WBP1L: variants seen among roughly 807,000 people sequenced by gnomAD.
The protein encoded by WBP1L is WW domain binding protein 1-like.
In WBP1L, 17 loss-of-function variants were observed where a neutral mutation model predicts 33.7. The ratio of observed to expected loss-of-function variants is 0.50; its 90% CI spans 0.34 to 0.76. The LOEUF is 0.76. Ranked by LOEUF, WBP1L falls within the 30% of genes least tolerant of loss-of-function variation. WBP1L has a pLI of 0.01. For missense variants in WBP1L, 389 were observed against 469.4 expected (o/e 0.83, Z 1.58); for synonymous variants, 173 against 190.8 (o/e 0.91, Z 0.77).
intron 1 of WBP1L, chr10:102,776,197 G>T: frequency 1.4e-6 from 2 of 1,469,750 alleles, no homozygotes; most frequent in Non-Finnish European, 1.8e-6. Flanking sequence ...CCAGGCAGGG[G>T]GAGTAGCGAG....
At chr10:102,807,222 AC>A (rs907687783) in intron 2 of WBP1L, among the ~76,000 whole-genome samples, 1 of 152,186 alleles carries the variant, frequency 6.6e-6, no homozygotes, top group African/African-American at 2.4e-5. Context: ...TTCCTTTGAT[AC>A]ATTTTTAGTT....
chr10:102,782,478 T>C (rs567634438), intron 1 of WBP1L, among the ~76,000 whole-genome samples: 4 of 150,464 alleles, frequency 2.7e-5, no homozygotes, highest in African/African-American at 9.7e-5. Flanking sequence ...TTTGGGGCTA[T>C]TTAAAAAAAT....
At chr10:102,778,447 G>T (rs546652036) in intron 1 of WBP1L, among the ~76,000 whole-genome samples, 2 of 152,344 alleles carry the variant, frequency 1.3e-5, no homozygotes, top group Non-Finnish European at 2.9e-5. Context: ...TGTAGTGAGA[G>T]AATGAAGCAG....
chr10:102,757,887 CT>C (rs1188286707), intron 1 of WBP1L, among the ~76,000 whole-genome samples: 28 of 25,346 alleles, frequency 1.1e-3, no homozygotes, highest in African/African-American at 3.9e-3. Flanking sequence ...CCCCCCCCCC[CT>C]TTTTTTTTTT....
At chr10:102,796,676 T>C (rs1843577557) in intron 1 of WBP1L, among the ~76,000 whole-genome samples, 1 of 152,212 alleles carries the variant, frequency 6.6e-6, no homozygotes, top group Non-Finnish European at 1.5e-5. Flanking sequence ...TCTGAGCTTC[T>C]TGGGGATAAG....
chr10:102,808,528 A>T (rs866792926), intron 2 of WBP1L, among the ~76,000 whole-genome samples: 2 of 114,012 alleles, frequency 1.8e-5, no homozygotes, highest in Admixed American at 1.8e-4. Flanking sequence ...TCCCTGGAGC[A>T]GGGAGGAAGA....
chr10:102,769,145 C>G (rs1454452472), intron 1 of WBP1L, among the ~76,000 whole-genome samples: 1 of 152,210 alleles, frequency 6.6e-6, no homozygotes, highest in Non-Finnish European at 1.5e-5. Context: ...GCCGCCATGC[C>G]TGGCTAATTT....
rs187304155 is a variant in WBP1L at position 102,797,171 on chromosome 10, T to C, written c.91-822T>C. ...AGATTTTTTTTGTTGTTGCCCTCTT[T>C]AGGATCACACTGTGAATTAACCTTG... On this transcript the variant is annotated intron_variant, in intron 1 of 3. Transcript: ENST00000448841. Among the ~76,000 whole-genome samples the C allele has an allele frequency of 3.3e-5, 5 of 152,356 alleles. No individual in the cohort carries two copies. In the East Asian group the frequency reaches 9.6e-4, roughly 29 times the overall value.
chr10:102,762,188 C>A (rs1843050688), intron 1 of WBP1L, among the ~76,000 whole-genome samples: 1 of 151,932 alleles, frequency 6.6e-6, no homozygotes, highest in Admixed American at 6.6e-5. Context: ...GCCTGGGTGA[C>A]CCTGTCTCAA....
intron 1 of WBP1L, among the ~76,000 whole-genome samples, chr10:102,748,040 A>T (rs1203084331): frequency 1.3e-5 from 2 of 151,930 alleles, no homozygotes; most frequent in African/African-American, 4.8e-5. Flanking sequence ...GCGGATCACG[A>T]GATCAGGAGA....
intron 1 of WBP1L, among the ~76,000 whole-genome samples, chr10:102,757,044 C>T (rs1037293359): frequency 1.3e-5 from 2 of 152,074 alleles, no homozygotes; most frequent in South Asian, 2.1e-4. Context: ...TTTGCCACCA[C>T]ACCTAGCTAA....
intron 1 of WBP1L, chr10:102,776,498 G>A: frequency 6.3e-7 from 1 of 1,591,964 alleles, no homozygotes; most frequent in Non-Finnish European, 8.6e-7. Context: ...TTGGGTGGAG[G>A]GAATATTTTA....
intron 1 of WBP1L, among the ~76,000 whole-genome samples, chr10:102,764,990 G>A (rs998578095): frequency 1.2e-4 from 19 of 152,180 alleles, no homozygotes; most frequent in African/African-American, 4.6e-4. Context: ...GTTAGACCAT[G>A]GCCCAGCTCT....
intron 1 of WBP1L, among the ~76,000 whole-genome samples, chr10:102,760,377 T>TTTC (rs1491543438): frequency 1.8e-4 from 5 of 28,440 alleles, no homozygotes; most frequent in Non-Finnish European, 4.0e-4. Flanking sequence ...TCTTTCTTTC[T>TTTC]TTTTTTTTTT....
At chr10:102,788,139 T>C (rs1843444526) in intron 1 of WBP1L, among the ~76,000 whole-genome samples, 1 of 149,476 alleles carries the variant, frequency 6.7e-6, no homozygotes, top group Non-Finnish European at 1.5e-5. Context: ...TTCTTTCTTT[T>C]TTTTTTTTTG....
chr10:102,761,062 TATTTTTTA>T (rs927811154), intron 1 of WBP1L, among the ~76,000 whole-genome samples: 55 of 152,118 alleles, frequency 3.6e-4, no homozygotes, highest in African/African-American at 1.3e-3. Context: ...AATTTTTTTT[TATTTTTTA>T]ATTTTTTGTG....
intron 1 of WBP1L, among the ~76,000 whole-genome samples, chr10:102,757,678 G>A (rs1000017951): frequency 7.0e-6 from 1 of 142,600 alleles, no homozygotes; most frequent in Admixed American, 7.6e-5. Context: ...CTGAGTTCTA[G>A]CGATCATCCC....
chr10:102,743,965 G>T lies in WBP1L; in HGVS notation c.-89G>T. 1.9e-6 allele frequency: 2 copies of T among 1,045,284 alleles called. No homozygotes were observed. The highest frequency in any genetic ancestry group is 3.0e-5 in the South Asian group (2 of 66,650). The allele number at this position is 1,045,284 out of a possible 1,614,324, so 64.8% of individuals were successfully genotyped here. Reference sequence around the variant, plus strand: ...AGGGGAGCGTCAAACAGGAAAAGAAGGGAAGAAGGAAGAAGAGGGTAGAGG... The same window carrying T: ...AGGGGAGCGTCAAACAGGAAAAGAATGGAAGAAGGAAGAAGAGGGTAGAGG... On this transcript the variant is annotated 5_prime_UTR_variant, in exon 1 of 4. The change creates a new upstream start codon in the 5' untranslated region. Transcript: ENST00000448841.
At chr10:102,773,088 G>C (rs1843214375) in intron 1 of WBP1L, among the ~76,000 whole-genome samples, 1 of 152,164 alleles carries the variant, frequency 6.6e-6, no homozygotes, top group South Asian at 2.1e-4. Context: ...CAGGCTAGCA[G>C]AAATTGTTAA....
Sources: gnomAD v4.1 joint callset for allele counts (sites outside exome capture counted in the v4.1 genomes callset) on GRCh38, gnomAD v4.1.1 for gene constraint, MANE v1.5 for transcripts, NCBI Gene and HGNC (gene_info 2026-07-23, HGNC 2026-07-21) for gene names.